The following USP31 variants were observed in gnomAD, a reference collection of about 807,000 sequenced individuals.
The protein encoded by USP31 is ubiquitin carboxyl-terminal hydrolase 31.
USP31 carries 44 observed loss-of-function variants against 119.4 expected under a neutral mutation model. The observed-to-expected ratio is 0.37, with a 90% confidence interval of 0.29 to 0.47. The LOEUF (loss-of-function observed/expected upper bound fraction) is 0.47, where lower values mean the gene tolerates loss of function less well. USP31 is among the 20% of genes least tolerant of loss of function. The pLI is 0.99. For synonymous variants in USP31, 749 were observed against 705.6 expected, an observed-to-expected ratio of 1.06 and a Z score of -0.97; for missense variants, 1,643 against 1,730.2, an observed-to-expected ratio of 0.95 and a Z score of 0.89.
At chr16:23,089,641 A>C (rs148025358) in intron 7 of USP31, among the ~76,000 whole-genome samples, 1 of 152,372 alleles carries the variant, frequency 6.6e-6, no homozygotes, top group African/African-American at 2.4e-5. Flanking sequence ...ACAAATGTTA[A>C]GAAACACTGA....
chr16:23,144,151 A>G (rs1019399605), intron 1 of USP31, among the ~76,000 whole-genome samples: 5 of 152,220 alleles, frequency 3.3e-5, no homozygotes, highest in African/African-American at 1.2e-4. Flanking sequence ...GTGGTTAAAA[A>G]GGAAGAAAGA....
At chr16:23,093,534 T>A (rs1209692574) in intron 6 of USP31, among the ~76,000 whole-genome samples, 1 of 152,154 alleles carries the variant, frequency 6.6e-6, no homozygotes, top group Non-Finnish European at 1.5e-5. Flanking sequence ...GAAAAATAAA[T>A]GTTGGCAAAG....
At chr16:23,101,254 A>G (rs1019179677) in intron 6 of USP31, among the ~76,000 whole-genome samples, 1 of 152,226 alleles carries the variant, frequency 6.6e-6, no homozygotes, top group Admixed American at 6.5e-5. Flanking sequence ...GTGTGTCAAC[A>G]GCTCTATGAG....
At chr16:23,074,042 T>C (rs913824851) in intron 13 of USP31, 162 bp from the exon 14 acceptor site, 40 of 908,710 alleles carry the variant, frequency 4.4e-5, no homozygotes, top group South Asian at 1.5e-4. Flanking sequence ...AAATTCTGTA[T>C]CACACTCGAG....
At chr16:23,137,084 C>T (rs996521561) in intron 1 of USP31, among the ~76,000 whole-genome samples, 2 of 152,096 alleles carry the variant, frequency 1.3e-5, no homozygotes, top group African/African-American at 2.4e-5. Flanking sequence ...TAGTGGCACG[C>T]ACCTGTAGTC....
chr16:23,083,695 C>CGGGGGG (rs11311505), intron 11 of USP31, among the ~76,000 whole-genome samples: 1 of 37,906 alleles, frequency 2.6e-5, no homozygotes, highest in Non-Finnish European at 4.6e-5. Context: ...GCAAACCTGG[C>CGGGGGG]GGGGGGGGGG....
intron 5 of USP31, among the ~76,000 whole-genome samples, chr16:23,104,494 GA>G (rs1902012247): frequency 6.6e-6 from 1 of 152,202 alleles, no homozygotes; most frequent in African/African-American, 2.4e-5. Flanking sequence ...CTGAAGAGAA[GA>G]AAGAGCCAAT....
At chr16:23,102,902 A>G (rs1901942250) in intron 5 of USP31, among the ~76,000 whole-genome samples, 1 of 152,264 alleles carries the variant, frequency 6.6e-6, no homozygotes, top group Admixed American at 6.5e-5. Context: ...TATCCATAAA[A>G]TAAAAAGTAA....
rs112523602 is a variant in USP31 at position 23,136,962 on chromosome 16, C to T, written c.633+11676G>A. On this transcript the variant is annotated intron_variant, in intron 1 of 15. Transcript: ENST00000219689. Reference sequence around the variant, plus strand: ...GTGTGGTGGCTCATGCCTGTAATCCCGGCACTTTGGGAGGCCAAGGCGGGT... The same window carrying T: ...GTGTGGTGGCTCATGCCTGTAATCCTGGCACTTTGGGAGGCCAAGGCGGGT... Among the ~76,000 whole-genome samples the T allele has an allele frequency of 6.1e-3, 924 of 152,246 alleles. 7 individuals are homozygous for T. The highest frequency in any genetic ancestry group is 0.021 in the African/African-American group (869 of 41,544).
chr16:23,111,755 T>C (rs1395564330), intron 1 of USP31, among the ~76,000 whole-genome samples: 1 of 151,992 alleles, frequency 6.6e-6, no homozygotes, highest in Non-Finnish European at 1.5e-5. Flanking sequence ...CCATCAAAGA[T>C]GTTGTGAGAA....
chr16:23,067,930 G>T lies in USP31; in HGVS notation c.*116C>A. The T allele has an allele frequency of 8.6e-7, 1 of 1,158,434 alleles. No individual in the cohort carries two copies. Among genetic ancestry groups the T allele is most frequent in the Non-Finnish European group, 1.2e-6 (1 of 836,470 alleles). The allele number at this position is 1,158,434 out of a possible 1,614,324, so 71.8% of individuals were successfully genotyped here. A position where few individuals can be genotyped will look rare whatever the true frequency, so the allele number is the denominator to read the frequency against. ...GCATACACTCACACACACACACACA[G>T]TCGGGCACGTGACTCAAAAAAGTAC... On this transcript the variant is annotated 3_prime_UTR_variant, in exon 16 of 16. Transcript: ENST00000219689.
At chr16:23,072,569 T>C (rs1260093246) in intron 14 of USP31, 3 of 519,340 alleles carry the variant, frequency 5.8e-6, no homozygotes, top group East Asian at 3.0e-5. Flanking sequence ...TTCTAAGCAA[T>C]TGCAGTAATA....
intron 1 of USP31, among the ~76,000 whole-genome samples, chr16:23,138,672 CTAGACCT>C (rs1903263434): frequency 6.6e-6 from 1 of 152,142 alleles, no homozygotes. Flanking sequence ...TACAACCACC[CTAGACCT>C]TGAAATTTTC....
intron 13 of USP31, among the ~76,000 whole-genome samples, chr16:23,076,708 C>T (rs1359085570): frequency 6.6e-6 from 1 of 152,212 alleles, no homozygotes; most frequent in Admixed American, 6.5e-5. Context: ...CTTATTCTTC[C>T]CAACAATTTC....
At chr16:23,148,039 C>T (rs1300868837) in intron 1 of USP31, among the ~76,000 whole-genome samples, 1 of 152,084 alleles carries the variant, frequency 6.6e-6, no homozygotes, top group Non-Finnish European at 1.5e-5. Context: ...TTCTTCAAGT[C>T]TTTAATAACA....
chr16:23,095,015 T>C (rs544569471), intron 6 of USP31, among the ~76,000 whole-genome samples: 3 of 152,182 alleles, frequency 2.0e-5, no homozygotes, highest in Non-Finnish European at 4.4e-5. Flanking sequence ...TTTGATGAGT[T>C]GACAGAAGTA....
chr16:23,130,385 A>G (rs1428164214), intron 1 of USP31, among the ~76,000 whole-genome samples: 1 of 151,818 alleles, frequency 6.6e-6, no homozygotes, highest in Non-Finnish European at 1.5e-5. Context: ...CAGGAGTTCG[A>G]GCCCAGCCTG....
chr16:23,078,030 T>C (rs1044100410), intron 13 of USP31, among the ~76,000 whole-genome samples: 1 of 152,126 alleles, frequency 6.6e-6, no homozygotes, highest in Admixed American at 6.5e-5. Flanking sequence ...AAAGTATTTA[T>C]AGGCCGGGCG....
intron 1 of USP31, among the ~76,000 whole-genome samples, chr16:23,122,171 T>C (rs991807003): frequency 6.6e-6 from 1 of 152,204 alleles, no homozygotes; most frequent in African/African-American, 2.4e-5. Flanking sequence ...ACACTACTCT[T>C]ACAGAAATAG....
Sources: allele counts gnomAD v4.1 joint callset (sites outside exome capture counted in the v4.1 genomes callset), GRCh38; gene constraint gnomAD v4.1.1; transcripts MANE v1.5; gene names NCBI Gene and HGNC (gene_info 2026-07-23, HGNC 2026-07-21).